The following ADGRG2 variants were observed in gnomAD, a reference collection of about 807,000 sequenced individuals.
ADGRG2 encodes adhesion G protein-coupled receptor G2.
ADGRG2 carries 26 observed loss-of-function variants against 74.1 expected under a neutral mutation model. That is an observed-to-expected ratio of 0.35 (90% CI 0.26 to 0.49). The LOEUF is 0.49. Among genes scored for constraint, ADGRG2 ranks in the 20% least tolerant of loss-of-function variants. ADGRG2 has a pLI of 0.99. For synonymous variants in ADGRG2, 296 were observed against 295.2 expected (o/e 1.00, Z -0.03); for missense variants, 619 against 763.1 (o/e 0.81, Z 2.22).
chrX:19,114,602 T>C (rs1290252880), intron 1 of ADGRG2, among the ~76,000 whole-genome samples: 1 of 110,659 alleles, frequency 9.0e-6, no homozygotes, highest in Non-Finnish European at 1.9e-5. Context: ...CACTGTAGGA[T>C]GTTTACCAGC....
At chrX:19,052,390 C>T (rs2061338131) in intron 3 of ADGRG2, among the ~76,000 whole-genome samples, 1 of 110,981 alleles carries the variant, frequency 9.0e-6, no homozygotes, top group Non-Finnish European at 1.9e-5. Context: ...ACAAAGTCAT[C>T]GGCACAAAAA....
intron 3 of ADGRG2, among the ~76,000 whole-genome samples, chrX:19,058,373 A>G (rs778866456): frequency 1.8e-5 from 2 of 110,565 alleles, no homozygotes; most frequent in East Asian, 5.7e-4. Context: ...AAAACCCAGA[A>G]TTGGTTAGAC....
At chrX:19,011,474 G>C (rs1428730138) in intron 16 of ADGRG2, among the ~76,000 whole-genome samples, 2 of 112,253 alleles carry the variant, frequency 1.8e-5, no homozygotes. Context: ...ATAAGCACAA[G>C]TATACTTGTA....
chrX:19,044,766 T>C (rs2061142684), intron 3 of ADGRG2, among the ~76,000 whole-genome samples: 1 of 111,619 alleles, frequency 9.0e-6, no homozygotes, highest in African/African-American at 3.3e-5. Context: ...TGGGCAGTCT[T>C]CTCATTGTAG....
At chrX:19,104,916 C>CAA (rs1001242331) in intron 1 of ADGRG2, among the ~76,000 whole-genome samples, 280 of 22,955 alleles carry the variant, frequency 0.012, 3 homozygotes, top group African/African-American at 0.022. Flanking sequence ...GACTCTGTCT[C>CAA]AAAAAAAAAA....
At chrX:19,110,154 C>T (rs1352073271) in intron 1 of ADGRG2, among the ~76,000 whole-genome samples, 1 of 111,550 alleles carries the variant, frequency 9.0e-6, no homozygotes, top group Non-Finnish European at 1.9e-5. Context: ...CTATTCTAGG[C>T]ACTGGGGGTA....
chrX:19,006,753 ATTTTTT>A (rs35276629), intron 20 of ADGRG2, among the ~76,000 whole-genome samples: 2 of 81,824 alleles, frequency 2.4e-5, no homozygotes, highest in African/African-American at 1.1e-4. Context: ...TAGGTGGTCA[ATTTTTT>A]TTTTTTTTTT....
At position 19,028,211 on chromosome X, in the gene ADGRG2, T is replaced by A; in HGVS notation, c.386A>T (p.Gln129Leu). 9.2e-7 allele frequency: 1 copy of A among 1,087,048 alleles called. No individual in the cohort carries two copies. The highest frequency in any genetic ancestry group is 1.3e-6 in the Non-Finnish European group (1 of 788,419). 89.6% of individuals were successfully genotyped at this position (1,087,048 alleles called of 1,213,427 possible). A position where few individuals can be genotyped will look rare whatever the true frequency, so the allele number is the denominator to read the frequency against. Residue 129 changes from glutamine to leucine, a missense_variant, in exon 10 of 29, where the codon CAA becomes CTA. Gln to Leu is a moderately radical substitution (Grantham distance 113). Coordinates refer to ENST00000379869, the MANE Select transcript of ADGRG2 (RefSeq NM_001079858.3). ...GGGAACAGTGCTTTCTTTATCATAT[T>A]GAAACATGATCTCACCTCTAAAAAA... ...SAFFRGEIMF[Q>L]YDKESTVPQN...
intron 3 of ADGRG2, among the ~76,000 whole-genome samples, chrX:19,054,946 T>C (rs1415832595): frequency 1.8e-5 from 2 of 111,246 alleles, no homozygotes; most frequent in Non-Finnish European, 3.8e-5. Flanking sequence ...TTCGGCTCCT[T>C]GGCCATGTGT....
At chrX:19,005,734 G>A (rs1038908898) in intron 22 of ADGRG2, among the ~76,000 whole-genome samples, 2 of 111,021 alleles carry the variant, frequency 1.8e-5, no homozygotes, top group Non-Finnish European at 3.8e-5. Context: ...TGTATTTTTA[G>A]TAGAGACGGG....
chrX:19,079,879 G>C (rs1435220716), intron 2 of ADGRG2, among the ~76,000 whole-genome samples: 1 of 110,256 alleles, frequency 9.1e-6, no homozygotes, highest in Non-Finnish European at 1.9e-5. Flanking sequence ...CAAACCTGGT[G>C]AGGGGTGTTC....
intron 1 of ADGRG2, among the ~76,000 whole-genome samples, chrX:19,118,477 C>A (rs1220202187): frequency 8.9e-6 from 1 of 112,030 alleles, no homozygotes; most frequent in African/African-American, 3.3e-5. Flanking sequence ...CCTCAAAATC[C>A]CCGGCTGAAG....
intron 4 of ADGRG2, 39 bp from the exon 5 acceptor site, chrX:19,037,675 G>A (rs778791249): frequency 2.2e-6 from 2 of 922,453 alleles, no homozygotes; most frequent in Non-Finnish European, 3.0e-6. Flanking sequence ...ATTTTGAAAC[G>A]ATTATTTGTC....
chrX:19,028,230 T>TA lies in ADGRG2; in HGVS notation c.366dup (p.Arg123Ter). The TA allele has an allele frequency of 1.0e-6, 1 of 999,744 alleles. No homozygotes were observed. Among genetic ancestry groups the TA allele is most frequent in the African/African-American group, 1.9e-5 (1 of 53,473 alleles). 82.4% of individuals were successfully genotyped at this position (999,744 alleles called of 1,213,427 possible). ...TCATATTGAAACATGATCTCACCTCTAAAAAATGCTAAAAATAAATTTTCA... is the reference window on the plus strand; with the variant it reads ...TCATATTGAAACATGATCTCACCTCTAAAAAAATGCTAAAAATAAATTTTCA... On this transcript the variant is annotated frameshift_variant, in exon 10 of 29. Coordinates refer to ENST00000379869, the MANE Select transcript of ADGRG2 (RefSeq NM_001079858.3). LOFTEE classifies it high-confidence loss of function.
intron 1 of ADGRG2, among the ~76,000 whole-genome samples, chrX:19,119,560 T>G (rs930655769): frequency 3.6e-5 from 4 of 111,610 alleles, no homozygotes; most frequent in African/African-American, 1.3e-4. Context: ...CACCTCCCTC[T>G]CCCTCCTTTT....
intron 3 of ADGRG2, 50 bp from the exon 4 acceptor site, chrX:19,040,274 C>CA (rs754406709): frequency 1.2e-6 from 1 of 844,767 alleles, no homozygotes; most frequent in East Asian, 3.2e-5. Flanking sequence ...GGACTAAAAT[C>CA]AATAAAATTG....
At chrX:19,045,265 C>T (rs1380733372) in intron 3 of ADGRG2, among the ~76,000 whole-genome samples, 1 of 106,707 alleles carries the variant, frequency 9.4e-6, no homozygotes, top group Non-Finnish European at 1.9e-5. Flanking sequence ...CTCTGTAGAC[C>T]ATAATCGAAT....
At chrX:19,027,866 A>G (rs2060739481) in intron 10 of ADGRG2, among the ~76,000 whole-genome samples, 1 of 112,556 alleles carries the variant, frequency 8.9e-6, no homozygotes, top group African/African-American at 3.2e-5. Flanking sequence ...CATAGATTCA[A>G]TACACATATT....
Position 19,025,003 on chromosome X carries a change from G to C in ADGRG2, c.471-1055C>G, listed in dbSNP as rs766626116. Among the ~76,000 whole-genome samples the C allele has an allele frequency of 3.6e-5, 4 of 111,728 alleles. No individual in the cohort carries two copies. In the South Asian group the frequency reaches 1.5e-3, roughly 42 times the overall value. ...TTACCCAGGCTGGTCTCAAACTCCT[G>C]GGCTCAAGAGATCCACCTGCCTCGG... On this transcript the variant is annotated intron_variant, in intron 11 of 28. Transcript: ENST00000379869.
Sources: gnomAD v4.1 joint callset for allele counts (sites outside exome capture counted in the v4.1 genomes callset) on GRCh38, gnomAD v4.1.1 for gene constraint, MANE v1.5 for transcripts, NCBI Gene and HGNC (gene_info 2026-07-23, HGNC 2026-07-21) for gene names.